NFXL1: variants seen among roughly 807,000 people sequenced by gnomAD.
NFXL1 encodes the protein NF-X1-type zinc finger protein NFXL1.
Under a neutral mutation model 123.3 loss-of-function variants are expected in NFXL1, and 66 were observed. That is an observed-to-expected ratio of 0.54 (90% CI 0.44 to 0.66). The LOEUF (loss-of-function observed/expected upper bound fraction) is 0.66. Ranked by LOEUF, NFXL1 falls within the 30% of genes least tolerant of loss-of-function variation. NFXL1 has a pLI of 0.00. For synonymous variants in NFXL1, 346 were observed against 360.8 expected (o/e 0.96, Z 0.46); for missense variants, 944 against 1,125.6 (o/e 0.84, Z 2.31).
chr4:47,874,173 T>C (rs1735604349), intron 18 of NFXL1, among the ~76,000 whole-genome samples: 3 of 152,250 alleles, frequency 2.0e-5, no homozygotes, highest in Admixed American at 6.5e-5. Flanking sequence ...TGCTTTCTTA[T>C]CATTCTGTGT....
At chr4:47,858,354 T>C (rs1734528351) in intron 19 of NFXL1, among the ~76,000 whole-genome samples, 2 of 152,216 alleles carry the variant, frequency 1.3e-5, no homozygotes, top group African/African-American at 2.4e-5. Context: ...TTTGATATTA[T>C]TAAAGTTGAA....
Position 47,914,030 on chromosome 4 carries a change from C to T in NFXL1, c.174G>A (p.Ala58=), listed in dbSNP as rs146857504. ...GTSPGGVATT[A]AAGSRHSPAG... is the part of the protein sequence containing the mutation. ...CGGGGCTGTGCCTGCTCCCTGCAGCCGCCGTGGTCGCGACTCCTCCGGGAC... is the reference window on the plus strand; with the variant it reads ...CGGGGCTGTGCCTGCTCCCTGCAGCTGCCGTGGTCGCGACTCCTCCGGGAC... Residue 58 remains alanine, a synonymous_variant, in exon 2 of 23, where the codon GCG becomes GCA. Coordinates refer to ENST00000507489, the MANE Select transcript of NFXL1 (RefSeq NM_001278624.2). 599 of 1,549,038 alleles carry T rather than the reference C, an allele frequency of 3.9e-4. 5 individuals are homozygous for T. The highest frequency in any genetic ancestry group is 3.6e-3 in the South Asian group (306 of 83,992).
Position 47,847,443 on chromosome 4 carries a change from T to C in NFXL1, c.*720A>G, listed in dbSNP as rs141601052. 80 of 152,350 alleles carry C rather than the reference T, an allele frequency of 5.3e-4. No individual in the cohort carries two copies. Among genetic ancestry groups the C allele is most frequent in the African/African-American group, 1.8e-3 (73 of 41,576 alleles). 9.4% of individuals were successfully genotyped at this position (152,350 alleles called of 1,614,324 possible). A position where few individuals can be genotyped will look rare whatever the true frequency, so the allele number is the denominator to read the frequency against. The stretch of plus-strand genomic sequence containing the variant: ...AGGTACATAGACCTCATAAGCCCTG[T>C]TGTCAGCACATATTCTTCATAAATA... On this transcript the variant is annotated 3_prime_UTR_variant, in exon 23 of 23. Transcript: ENST00000507489.
chr4:47,871,046 T>TG (rs1306325873), intron 18 of NFXL1, among the ~76,000 whole-genome samples: 2 of 152,134 alleles, frequency 1.3e-5, no homozygotes, highest in Non-Finnish European at 2.9e-5. Context: ...ATGTAGAAGA[T>TG]GGAGTTAGAA....
At chr4:47,860,945 T>G (rs1278106893) in intron 19 of NFXL1, among the ~76,000 whole-genome samples, 1 of 151,656 alleles carries the variant, frequency 6.6e-6, no homozygotes, top group Non-Finnish European at 1.5e-5. Context: ...TTCCGCCTCC[T>G]GGGTTCAAGT....
At chr4:47,882,049 T>A (rs568587339) in intron 15 of NFXL1, among the ~76,000 whole-genome samples, 2 of 152,218 alleles carry the variant, frequency 1.3e-5, no homozygotes, top group Non-Finnish European at 2.9e-5. Context: ...CTTTAGCTAA[T>A]GATAAAGTAC....
rs553459079 is a variant in NFXL1, at chr4:47,897,937, TATATAA to T, written c.1204+24_1204+29del. On this transcript the variant is annotated intron_variant, in intron 9 of 22. Coordinates refer to ENST00000507489, the MANE Select transcript of NFXL1 (RefSeq NM_001278624.2). ...TTTCATGGCTTGACAGATCATTTCCTATATAAATATAAAAAAAAACAAGTCTTACTT... is the reference window on the plus strand; with the variant it reads ...TTTCATGGCTTGACAGATCATTTCCTATATAAAAAAAAACAAGTCTTACTT... 8.4e-4 allele frequency: 1,127 copies of T among 1,347,018 alleles called. 1 individual carries two copies. Among genetic ancestry groups the T allele is most frequent in the Non-Finnish European group, 1.1e-3 (1,081 of 961,120 alleles). 83.4% of individuals were successfully genotyped at this position (1,347,018 alleles called of 1,614,324 possible).
intron 6 of NFXL1, 47 bp downstream of exon 6, chr4:47,899,322 GA>G: frequency 6.7e-7 from 1 of 1,484,874 alleles, no homozygotes; most frequent in Non-Finnish European, 9.2e-7. Context: ...CTCAATATAA[GA>G]AGAAATAATC....
At chr4:47,903,353 T>A (rs764428394) in intron 4 of NFXL1, 30 bp from the exon 5 acceptor site, 1 of 1,419,572 alleles carries the variant, frequency 7.0e-7, no homozygotes, top group Admixed American at 2.7e-5. Context: ...AGTTAATATA[T>A]GTTAATTTTT....
rs183987322 is a variant in NFXL1, at chr4:47,863,697, A to G, written c.2247-782T>C. ...ACTCTGTCTCAAAAAAAATAAAATA[A>G]AATAGTAATTCACTTTAGATCTGAT... On this transcript the variant is annotated intron_variant, in intron 18 of 22. Transcript: ENST00000507489. 4.4e-3 allele frequency among the ~76,000 whole-genome samples: 667 copies of G among 152,230 alleles called. 2 individuals carry two copies. Among genetic ancestry groups the G allele is most frequent in the Non-Finnish European group, 7.8e-3 (529 of 68,022 alleles).
chr4:47,875,781 T>C (rs1463599938), intron 17 of NFXL1, among the ~76,000 whole-genome samples: 1 of 152,064 alleles, frequency 6.6e-6, no homozygotes, highest in Non-Finnish European at 1.5e-5. Context: ...GAGAAACACA[T>C]ATACAATGAA....
chr4:47,905,284 C>A lies in NFXL1; in HGVS notation c.469G>T (p.Ala157Ser). The change falls in exon 4 of 23, where the codon GCT becomes TCT. Residue 157 changes from alanine (A) to serine (S), a missense_variant. Around this residue, in one of 4 missense-constraint regions of NFXL1, gnomAD observed 303 missense variants for 292.1 expected, o/e 1.04. Coordinates refer to ENST00000507489, the MANE Select transcript of NFXL1 (RefSeq NM_001278624.2). Reference sequence around the variant, plus strand: ...GCAATACAAATTAGGCATGTCATAGCCCCTGCTTGAAAAGCTTCATTTACA... The same window carrying A: ...GCAATACAAATTAGGCATGTCATAGACCCTGCTTGAAAAGCTTCATTTACA... ...QYVNEAFQAG[A>S]MTCLICIASV... is the part of the protein sequence containing the mutation. The A allele has an allele frequency of 6.2e-7, 1 of 1,600,632 alleles. No homozygotes were observed. The highest frequency in any genetic ancestry group is 8.6e-7 in the Non-Finnish European group (1 of 1,168,984).
chr4:47,892,750 A>G (rs1195334142), intron 11 of NFXL1, among the ~76,000 whole-genome samples: 2 of 152,184 alleles, frequency 1.3e-5, no homozygotes, highest in African/African-American at 2.4e-5. Flanking sequence ...AGGCTTAAAA[A>G]TATTTAAAGA....
chr4:47,914,644 C>T (rs1738028785), upstream of NFXL1: 1 of 156,818 alleles, frequency 6.4e-6, no homozygotes, highest in Non-Finnish European at 1.4e-5. Flanking sequence ...GACTACAACT[C>T]CCAGAAGCCC....
intron 22 of NFXL1, 78 bp from the exon 23 acceptor site, chr4:47,848,414 T>C (rs1733931975): frequency 1.7e-6 from 2 of 1,152,824 alleles, no homozygotes; most frequent in Non-Finnish European, 2.5e-6. Flanking sequence ...TAAAAATCAA[T>C]TTGGGTAATG....
At chr4:47,897,127 T>C (rs1737130597) in intron 9 of NFXL1, among the ~76,000 whole-genome samples, 1 of 151,884 alleles carries the variant, frequency 6.6e-6, no homozygotes, top group Admixed American at 6.6e-5. Context: ...CTGGGAAACA[T>C]AGGGAGAGCC....
At chr4:47,876,475 A>G (rs956900655) in intron 17 of NFXL1, among the ~76,000 whole-genome samples, 1 of 152,174 alleles carries the variant, frequency 6.6e-6, no homozygotes, top group African/African-American at 2.4e-5. Context: ...GGAATGTTCA[A>G]GTAACAGGAT....
chr4:47,910,770 T>C (rs1175472055), intron 3 of NFXL1, 54 bp downstream of exon 3: 6 of 1,156,348 alleles, frequency 5.2e-6, no homozygotes, highest in Middle Eastern at 6.0e-4. Flanking sequence ...ACCAAAAAAA[T>C]GTCAGGAATA....
Position 47,878,663 on chromosome 4 carries a change from C to T in NFXL1, c.1941G>A (p.Val647=), listed in dbSNP as rs2110070381. Residue 647 remains valine (V), a splice_region_variant and synonymous_variant, in exon 17 of 23, where the codon GTG becomes GTA. Coordinates refer to ENST00000507489, the MANE Select transcript of NFXL1 (RefSeq NM_001278624.2). ...IPMECLGKHE[V]SPLPCHAVGP... Reference sequence around the variant, plus strand: ...CTACAGCATGGCATGGTAGTGGACTCACCTTAAAAAATAAAGGAAATCAGC... The same window carrying T: ...CTACAGCATGGCATGGTAGTGGACTTACCTTAAAAAATAAAGGAAATCAGC... 1 of 1,529,460 alleles carries T rather than the reference C, an allele frequency of 6.5e-7. No individual in the cohort carries two copies. Among genetic ancestry groups the T allele is most frequent in the Non-Finnish European group, 8.8e-7 (1 of 1,142,016 alleles). The allele number at this position is 1,529,460 out of a possible 1,614,324, so 94.7% of individuals were successfully genotyped here.
Sources: gnomAD v4.1 joint callset for allele counts (sites outside exome capture counted in the v4.1 genomes callset) on GRCh38, gnomAD v4.1.1 for gene constraint, gnomAD v4.1.1 regional missense constraint, MANE v1.5 for transcripts, NCBI Gene and HGNC (gene_info 2026-07-23, HGNC 2026-07-21) for gene names.